PDE1C: variants seen among roughly 807,000 people sequenced by gnomAD.
PDE1C encodes dual specificity calcium/calmodulin-dependent 3',5'-cyclic nucleotide phosphodiesterase 1C.
A neutral mutation model predicts 93.1 loss-of-function variants in PDE1C; 62 were observed. That is an observed-to-expected ratio of 0.67 (90% CI 0.54 to 0.82). The LOEUF is 0.82. PDE1C is among the 40% of genes least tolerant of loss of function. The probability of loss-of-function intolerance (pLI) is 0.00; values close to 1 mark genes in which losing one functional copy is unlikely to be tolerated. For synonymous variants in PDE1C, 325 were observed against 310.1 expected, an observed-to-expected ratio of 1.05 and a Z score of -0.50; for missense variants, 742 against 884.6, an observed-to-expected ratio of 0.84 and a Z score of 2.04.
chr7:32,196,879 T>A (rs1188666704), intron 2 of PDE1C, among the ~76,000 whole-genome samples: 1 of 152,180 alleles, frequency 6.6e-6, no homozygotes, highest in African/African-American at 2.4e-5. Flanking sequence ...AGAATAGAGA[T>A]GCATATATGA....
the PDE1C span, among the ~76,000 whole-genome samples, chr7:31,620,452 G>A: frequency 5.9e-5 from 9 of 151,618 alleles, no homozygotes; most frequent in South Asian, 2.1e-4. Flanking sequence ...CGAGATTCAC[G>A]AAAAATACCT....
rs994722 is a variant in PDE1C, at chr7:32,190,420, A to G, written c.136+19069T>C. 4.4e-3 allele frequency among the ~76,000 whole-genome samples: 673 copies of G among 152,344 alleles called. 8 individuals carry two copies. The highest frequency in any genetic ancestry group is 0.015 in the African/African-American group (624 of 41,574). Reference sequence around the variant, plus strand: ...CCTGTCCAGGGGAGGTGTGCTAGACATAGTGCTTGGCACACTATTGAGTTG... The same window carrying G: ...CCTGTCCAGGGGAGGTGTGCTAGACGTAGTGCTTGGCACACTATTGAGTTG... On this transcript the variant is annotated intron_variant, in intron 2 of 18. Transcript: ENST00000396193.
chr7:31,767,695 C>A (rs1396171989), intron 17 of PDE1C, among the ~76,000 whole-genome samples: 1 of 152,168 alleles, frequency 6.6e-6, no homozygotes, highest in Admixed American at 6.6e-5. Context: ...GGGTTACAAA[C>A]AACAGAAATT....
intron 1 of PDE1C, among the ~76,000 whole-genome samples, chr7:32,326,239 A>G (rs1302421824): frequency 6.6e-6 from 1 of 152,218 alleles, no homozygotes; most frequent in Non-Finnish European, 1.5e-5. Context: ...ACTCTATCCA[A>G]TGTTGAATAG....
intron 13 of PDE1C, 138 bp from the exon 14 acceptor site, chr7:31,823,386 A>G: frequency 1.6e-6 from 1 of 632,314 alleles, no homozygotes; most frequent in Non-Finnish European, 2.5e-6. Flanking sequence ...GTTTATAATT[A>G]TTCTATTTTC....
intron 9 of PDE1C, among the ~76,000 whole-genome samples, chr7:31,838,904 G>A (rs1791455153): frequency 6.6e-6 from 1 of 151,258 alleles, no homozygotes; most frequent in African/African-American, 2.4e-5. Context: ...GTTTGATCTG[G>A]CTTATGTCTA....
At chr7:32,326,472 G>A (rs1222410036) in intron 1 of PDE1C, among the ~76,000 whole-genome samples, 3 of 152,164 alleles carry the variant, frequency 2.0e-5, no homozygotes, top group Non-Finnish European at 4.4e-5. Context: ...GGCTGTACAG[G>A]GCGAGTCAGT....
chr7:32,228,755 C>G (rs949217513), intron 1 of PDE1C, among the ~76,000 whole-genome samples: 1 of 152,196 alleles, frequency 6.6e-6, no homozygotes, highest in African/African-American at 2.4e-5. Flanking sequence ...TCCTCCTGGC[C>G]TACCCATGTG....
chr7:31,958,805 T>A (rs926983252), intron 2 of PDE1C, among the ~76,000 whole-genome samples: 2 of 152,136 alleles, frequency 1.3e-5, no homozygotes, highest in African/African-American at 4.8e-5. Context: ...AGCAAAGAAA[T>A]CTTCCCCTGG....
intron 1 of PDE1C, among the ~76,000 whole-genome samples, chr7:32,407,287 C>T (rs1785074425): frequency 6.6e-6 from 1 of 152,050 alleles, no homozygotes; most frequent in Non-Finnish European, 1.5e-5. Flanking sequence ...AAAATAAAAC[C>T]ACCTGGACAG....
upstream of PDE1C, among the ~76,000 whole-genome samples, chr7:32,301,229 T>C (rs1195708471): frequency 6.6e-6 from 1 of 152,116 alleles, no homozygotes; most frequent in Non-Finnish European, 1.5e-5. Flanking sequence ...AGCTTTTAAG[T>C]GAAGCACATG....
intron 1 of PDE1C, among the ~76,000 whole-genome samples, chr7:32,328,301 C>T (rs957336678): frequency 6.6e-6 from 1 of 152,208 alleles, no homozygotes; most frequent in Non-Finnish European, 1.5e-5. Context: ...CTCCCTGCTT[C>T]CACTTTTGCC....
the PDE1C span, among the ~76,000 whole-genome samples, chr7:31,682,144 G>A: frequency 4.1e-4 from 63 of 152,164 alleles, 1 homozygote; most frequent in Admixed American, 4.1e-3. Context: ...TACCTCATAG[G>A]ATGGTGCTGA....
intron 3 of PDE1C, among the ~76,000 whole-genome samples, chr7:32,137,207 G>A (rs1229684463): frequency 6.6e-6 from 1 of 152,194 alleles, no homozygotes; most frequent in Non-Finnish European, 1.5e-5. Flanking sequence ...CCAGAAACCA[G>A]ATTTCATGCT....
intron 3 of PDE1C, among the ~76,000 whole-genome samples, chr7:32,153,099 A>G (rs1010897043): frequency 4.6e-5 from 7 of 152,204 alleles, no homozygotes; most frequent in African/African-American, 1.7e-4. Context: ...AGCCACTGAA[A>G]TAGTAGTAAA....
chr7:31,794,582 C>T (rs1439322714), intron 16 of PDE1C, among the ~76,000 whole-genome samples: 2 of 152,000 alleles, frequency 1.3e-5, no homozygotes, highest in Non-Finnish European at 2.9e-5. Flanking sequence ...GAATGTAGCA[C>T]ATTAACACAA....
chr7:32,000,087 C>T (rs1271367016), intron 2 of PDE1C, among the ~76,000 whole-genome samples: 1 of 152,180 alleles, frequency 6.6e-6, no homozygotes, highest in Non-Finnish European at 1.5e-5. Flanking sequence ...CCACACCTAC[C>T]TCACGGTCAC....
At chr7:32,220,491 A>G (rs1806766267) in intron 1 of PDE1C, among the ~76,000 whole-genome samples, 1 of 152,116 alleles carries the variant, frequency 6.6e-6, no homozygotes, top group East Asian at 1.9e-4. Flanking sequence ...TCTTTTCTCT[A>G]CAGCTCACAC....
chr7:32,130,331 A>G (rs1342051668), intron 3 of PDE1C, among the ~76,000 whole-genome samples: 1 of 152,148 alleles, frequency 6.6e-6, no homozygotes, highest in Non-Finnish European at 1.5e-5. Context: ...GGTAATTAAG[A>G]CAATGAAAGT....
Sources: allele counts gnomAD v4.1 joint callset (sites outside exome capture counted in the v4.1 genomes callset), GRCh38; gene constraint gnomAD v4.1.1; transcripts MANE v1.5; gene names NCBI Gene and HGNC (gene_info 2026-07-23, HGNC 2026-07-21).